ZNF654: variants seen among roughly 807,000 people sequenced by gnomAD.
ZNF654 encodes the protein zinc finger protein 654.
ZNF654 carries 19 observed loss-of-function variants against 95.3 expected under a neutral mutation model. That is an observed-to-expected ratio of 0.20 (90% CI 0.14 to 0.29). The LOEUF (loss-of-function observed/expected upper bound fraction) is 0.29. Among genes scored for constraint, ZNF654 ranks in the 10% least tolerant of loss-of-function variants. ZNF654 has a pLI of 1.00. For missense variants in ZNF654, 1,046 were observed against 1,341.0 expected (o/e 0.78, Z 3.44); for synonymous variants, 413 against 457.9 (o/e 0.90, Z 1.25).
chr3:88,081,988 A>G lies in ZNF654; in HGVS notation c.187-4269A>G, dbSNP rs376855743. ...TAATGTGTTTTAAAACATTTTAGGT[A>G]TTTAGAAAATTAGCAAACTTATCAA... On this transcript the variant is annotated intron_variant, in intron 1 of 8. Transcript: ENST00000636215. Among the ~76,000 whole-genome samples the G allele has an allele frequency of 1.4e-4, 22 of 152,314 alleles. No homozygotes were observed. The East Asian group carries it at 3.9e-3, about 27-fold the overall frequency.
intron 1 of ZNF654, among the ~76,000 whole-genome samples, chr3:88,073,697 A>G (rs1361588289): frequency 6.6e-6 from 1 of 152,210 alleles, no homozygotes; most frequent in African/African-American, 2.4e-5. Context: ...TAATTAAGGT[A>G]TCTAAATGAA....
At chr3:88,114,004 A>G (rs746753342) in intron 3 of ZNF654, among the ~76,000 whole-genome samples, 8 of 152,094 alleles carry the variant, frequency 5.3e-5, no homozygotes, top group Non-Finnish European at 1.2e-4. Context: ...AAACTTACTA[A>G]TTTTCCATTC....
intron 2 of ZNF654, among the ~76,000 whole-genome samples, chr3:88,091,314 A>AT (rs1708620585): frequency 6.6e-6 from 1 of 152,188 alleles, no homozygotes; most frequent in Non-Finnish European, 1.5e-5. Flanking sequence ...ATAATAAATA[A>AT]TCACACTACA....
chr3:88,103,159 C>G (rs1239976749), intron 2 of ZNF654, among the ~76,000 whole-genome samples: 1 of 152,024 alleles, frequency 6.6e-6, no homozygotes, highest in African/African-American at 2.4e-5. Context: ...CCAGAAATTA[C>G]AGACACATTT....
At chr3:88,119,750 C>T (rs542334646) in intron 3 of ZNF654, among the ~76,000 whole-genome samples, 45 of 152,054 alleles carry the variant, frequency 3.0e-4, no homozygotes, top group Non-Finnish European at 5.1e-4. Context: ...AGGATGATGA[C>T]AGTTGTTAGA....
chr3:88,063,208 C>G (rs1318806477), intron 1 of ZNF654, among the ~76,000 whole-genome samples: 1 of 152,096 alleles, frequency 6.6e-6, no homozygotes, highest in South Asian at 2.1e-4. Context: ...ATGGCTCTAA[C>G]AACAAAGAAT....
intron 3 of ZNF654, among the ~76,000 whole-genome samples, chr3:88,118,158 C>T (rs1705526368): frequency 6.6e-6 from 1 of 152,096 alleles, no homozygotes; most frequent in South Asian, 2.1e-4. Flanking sequence ...AAAGTCTATC[C>T]TTATCCGGTG....
intron 2 of ZNF654, 123 bp from the exon 3 acceptor site, chr3:88,112,992 A>C (rs13083441): frequency 1.6e-6 from 1 of 634,336 alleles, no homozygotes; most frequent in Non-Finnish European, 2.6e-6. Context: ...TGTTCAGTAC[A>C]ATTTTTTAAA....
intron 3 of ZNF654, among the ~76,000 whole-genome samples, chr3:88,117,232 ATTAC>A (rs1445299847): frequency 6.6e-6 from 1 of 152,200 alleles, no homozygotes; most frequent in Admixed American, 6.5e-5. Context: ...TCAACTCATA[ATTAC>A]TTACAGACAT....
intron 2 of ZNF654, among the ~76,000 whole-genome samples, chr3:88,098,481 T>C (rs1704199524): frequency 6.6e-6 from 1 of 152,208 alleles, no homozygotes; most frequent in Non-Finnish European, 1.5e-5. Context: ...ACTCTTTTTA[T>C]GAGGCCAGCA....
chr3:88,073,825 T>G (rs1162791578), intron 1 of ZNF654, among the ~76,000 whole-genome samples: 2 of 151,288 alleles, frequency 1.3e-5, no homozygotes, highest in Non-Finnish European at 2.9e-5. Context: ...TTGAGTATAT[T>G]TATCCCTATT....
At chr3:88,082,665 A>C (rs961454242) in intron 1 of ZNF654, among the ~76,000 whole-genome samples, 1 of 152,186 alleles carries the variant, frequency 6.6e-6, no homozygotes, top group Admixed American at 6.5e-5. Context: ...AGATATGAAG[A>C]TCATTGTTTG....
intron 2 of ZNF654, among the ~76,000 whole-genome samples, chr3:88,105,930 T>TA (rs1704709803): frequency 6.6e-6 from 1 of 152,216 alleles, no homozygotes; most frequent in Admixed American, 6.5e-5. Context: ...AATGCTGTTA[T>TA]AAAAGGGTGA....
chr3:88,074,180 A>G (rs1174697328), intron 1 of ZNF654, among the ~76,000 whole-genome samples: 1 of 152,118 alleles, frequency 6.6e-6, no homozygotes, highest in Non-Finnish European at 1.5e-5. Context: ...CCCCTTCTAG[A>G]GTATTACTTA....
intron 6 of ZNF654, among the ~76,000 whole-genome samples, chr3:88,131,533 C>A (rs1360076240): frequency 6.6e-6 from 1 of 152,030 alleles, no homozygotes; most frequent in Non-Finnish European, 1.5e-5. Context: ...ACACACAAAC[C>A]CAGAAAAACA....
At chr3:88,124,661 A>C (rs1039128819) in intron 3 of ZNF654, among the ~76,000 whole-genome samples, 1 of 152,128 alleles carries the variant, frequency 6.6e-6, no homozygotes, top group East Asian at 1.9e-4. Flanking sequence ...GTTTTTTTAA[A>C]TTCTGAAGCT....
chr3:88,085,994 A>C (rs1708318485), intron 1 of ZNF654, among the ~76,000 whole-genome samples: 1 of 152,222 alleles, frequency 6.6e-6, no homozygotes, highest in Admixed American at 6.5e-5. Context: ...AAAGGGCATT[A>C]GTTAACAAAA....
chr3:88,116,555 T>TACACACACAC (rs1398775960), intron 3 of ZNF654, among the ~76,000 whole-genome samples: 1 of 12,582 alleles, frequency 7.9e-5, no homozygotes, highest in Non-Finnish European at 8.9e-4. Context: ...CATACATACA[T>TACACACACAC]ATATATACAC....
chr3:88,139,417 A>C lies in ZNF654; in HGVS notation c.1748A>C (p.Asn583Thr). 6.2e-7 allele frequency: 1 copy of C among 1,613,872 alleles called. No homozygotes were observed. The highest frequency in any genetic ancestry group is 8.5e-7 in the Non-Finnish European group (1 of 1,179,808). ...ACVICGRKFR[N>T]RGLMQKHLKN... is the part of the protein sequence containing the mutation. ...GTAATATGTGGTAGGAAATTTAGAA[A>C]CAGAGGACTTATGCAGAAGCATTTG... The change falls in exon 8 of 9, where the codon AAC becomes ACC. Residue 583 changes from asparagine (N) to threonine (T), a missense_variant. Around this residue, in one of 9 missense-constraint regions of ZNF654, gnomAD observed 495 missense variants for 537.0 expected, o/e 0.92. Coordinates refer to ENST00000636215, the MANE Select transcript of ZNF654 (RefSeq NM_001350134.2).
Sources: allele counts gnomAD v4.1 joint callset (sites outside exome capture counted in the v4.1 genomes callset), GRCh38; gene constraint gnomAD v4.1.1; regional missense constraint gnomAD v4.1.1; transcripts MANE v1.5; gene names NCBI Gene and HGNC (gene_info 2026-07-23, HGNC 2026-07-21).